The following DGKI variants were observed in gnomAD, a reference collection of about 807,000 sequenced individuals.
The protein encoded by DGKI is diacylglycerol kinase iota.
DGKI carries 55 observed loss-of-function variants against 147.5 expected under a neutral mutation model. That is an observed-to-expected ratio of 0.37 (90% CI 0.30 to 0.47). The LOEUF is 0.47. DGKI is among the 20% of genes least tolerant of loss of function. DGKI has a pLI of 1.00. For missense variants in DGKI, 1,007 were observed against 1,323.8 expected, an observed-to-expected ratio of 0.76 and a Z score of 3.71; for synonymous variants, 469 against 477.1, an observed-to-expected ratio of 0.98 and a Z score of 0.22.
At chr7:137,519,608 T>C (rs778274221) in intron 21 of DGKI, among the ~76,000 whole-genome samples, 52 of 152,038 alleles carry the variant, frequency 3.4e-4, no homozygotes, top group South Asian at 1.0e-3. Flanking sequence ...TGAAATAACA[T>C]TTATTTTGGC....
intron 1 of DGKI, among the ~76,000 whole-genome samples, chr7:137,715,641 A>T (rs1251556692): frequency 6.6e-6 from 1 of 152,248 alleles, no homozygotes; most frequent in African/African-American, 2.4e-5. Flanking sequence ...AGAATAAGCA[A>T]GTATGAGCAC....
intron 3 of DGKI, among the ~76,000 whole-genome samples, chr7:137,675,196 C>T (rs1273396264): frequency 6.6e-6 from 1 of 152,128 alleles, no homozygotes; most frequent in African/African-American, 2.4e-5. Context: ...AGCTGAGAGT[C>T]CCCAACTACA....
Position 137,572,941 on chromosome 7 carries a change from C to A in DGKI, c.1762-103G>T, listed in dbSNP as rs1419151537. On this transcript the variant is annotated intron_variant, in intron 17 of 32. Coordinates refer to ENST00000614521, the MANE Select transcript of DGKI (RefSeq NM_001321708.2). The stretch of plus-strand genomic sequence containing the variant: ...ATAGTACACACCATGGTCTCTTTCT[C>A]CTTGCCCTATCTCTGCTTAAGTGAA... 3.1e-5 allele frequency: 24 copies of A among 766,372 alleles called. No homozygotes were observed. The East Asian group carries it at 5.6e-4, about 18-fold the overall frequency. 47.5% of individuals were successfully genotyped at this position (766,372 alleles called of 1,614,324 possible). A position where few individuals can be genotyped will look rare whatever the true frequency, so the allele number is the denominator to read the frequency against.
rs189450856 is a variant in DGKI at position 137,603,942 on chromosome 7, G to T, written c.1168-4037C>A. 9.2e-4 allele frequency among the ~76,000 whole-genome samples: 140 copies of T among 152,202 alleles called. 3 individuals carry two copies. The highest frequency in any genetic ancestry group is 3.3e-3 in the African/African-American group (137 of 41,546). On this transcript the variant is annotated intron_variant, in intron 10 of 32. Transcript: ENST00000614521. ...TAGGCTTTAATTTATAGAAAACAAGGAGTCACTGAAAAGTCTTCATTAAGA... is the reference window on the plus strand; with the variant it reads ...TAGGCTTTAATTTATAGAAAACAAGTAGTCACTGAAAAGTCTTCATTAAGA...
At chr7:137,508,219 CTTTTT>C (rs1171968411) in intron 21 of DGKI, among the ~76,000 whole-genome samples, 410 of 92,476 alleles carry the variant, frequency 4.4e-3, no homozygotes, top group African/African-American at 0.018. Flanking sequence ...AGACAGGTTT[CTTTTT>C]TTTTTTTTTT....
At chr7:137,600,673 A>G (rs1819958503) in intron 10 of DGKI, among the ~76,000 whole-genome samples, 1 of 152,210 alleles carries the variant, frequency 6.6e-6, no homozygotes, top group African/African-American at 2.4e-5. Context: ...TGTATAATAT[A>G]AAATATGGGC....
At chr7:137,769,553 G>A (rs530568189) in intron 1 of DGKI, among the ~76,000 whole-genome samples, 8 of 151,846 alleles carry the variant, frequency 5.3e-5, no homozygotes, top group Admixed American at 1.3e-4. Context: ...CTATGAATGG[G>A]AGAAAATTTT....
chr7:137,812,441 A>C (rs1797619838), intron 1 of DGKI, among the ~76,000 whole-genome samples: 1 of 152,170 alleles, frequency 6.6e-6, no homozygotes, highest in African/African-American at 2.4e-5. Context: ...CCTCTTAATT[A>C]GTTTTGTTTT....
chr7:137,727,819 G>T (rs1048343476), intron 1 of DGKI, among the ~76,000 whole-genome samples: 3 of 152,056 alleles, frequency 2.0e-5, no homozygotes, highest in African/African-American at 7.2e-5. Context: ...TTTGCTTGTG[G>T]TCCGAATTAA....
At chr7:137,469,199 G>T (rs1214140813) in intron 24 of DGKI, among the ~76,000 whole-genome samples, 1 of 152,152 alleles carries the variant, frequency 6.6e-6, no homozygotes, top group African/African-American at 2.4e-5. Context: ...AAATAACATA[G>T]AAATTATATC....
intron 12 of DGKI, among the ~76,000 whole-genome samples, chr7:137,593,329 G>A (rs1252829912): frequency 1.3e-5 from 2 of 152,204 alleles, no homozygotes; most frequent in African/African-American, 2.4e-5. Context: ...TCAGCAGGGT[G>A]ACAGCCATTA....
intron 28 of DGKI, among the ~76,000 whole-genome samples, chr7:137,436,252 T>A (rs886237267): frequency 6.6e-6 from 1 of 152,204 alleles, no homozygotes; most frequent in African/African-American, 2.4e-5. Context: ...AGTATGGGGC[T>A]ACAAGAAGTG....
At chr7:137,740,069 C>G (rs1042800549) in intron 1 of DGKI, among the ~76,000 whole-genome samples, 3 of 152,176 alleles carry the variant, frequency 2.0e-5, no homozygotes, top group Admixed American at 6.5e-5. Context: ...CACTGTATTT[C>G]ACAACAATTC....
intron 1 of DGKI, among the ~76,000 whole-genome samples, chr7:137,780,917 G>A (rs984444022): frequency 1.3e-5 from 2 of 152,198 alleles, no homozygotes; most frequent in African/African-American, 2.4e-5. Flanking sequence ...GGGGCTTGCC[G>A]CTTCACCTCA....
At chr7:137,784,740 G>A (rs1051322230) in intron 1 of DGKI, among the ~76,000 whole-genome samples, 1 of 151,848 alleles carries the variant, frequency 6.6e-6, no homozygotes, top group Admixed American at 6.6e-5. Flanking sequence ...ACAAGTCTCA[G>A]TAAATTTAAG....
intron 17 of DGKI, 149 bp downstream of exon 17, chr7:137,577,073 A>T: frequency 1.5e-6 from 1 of 669,146 alleles, no homozygotes; most frequent in Non-Finnish European, 2.7e-6. Context: ...TGCCTGACAC[A>T]TAATAAGTGT....
At chr7:137,596,031 A>AAAG (rs1819785463) in intron 12 of DGKI, among the ~76,000 whole-genome samples, 2 of 143,860 alleles carry the variant, frequency 1.4e-5, no homozygotes, top group Non-Finnish European at 1.5e-5. Context: ...AAAAAAAAAA[A>AAAG]AAGAAAGAAA....
chr7:137,668,133 G>A (rs56755769), intron 3 of DGKI, among the ~76,000 whole-genome samples: 6,472 of 152,166 alleles, frequency 0.043, 394 homozygotes, highest in African/African-American at 0.14. Context: ...GGTAACCTGG[G>A]GGACCAAGAC....
intron 10 of DGKI, among the ~76,000 whole-genome samples, chr7:137,608,538 T>A (rs147390597): frequency 2.0e-5 from 3 of 152,214 alleles, no homozygotes; most frequent in Admixed American, 6.5e-5. Context: ...GGCTCATGAA[T>A]CATCCTTTTT....
Sources: gnomAD v4.1 joint callset for allele counts (sites outside exome capture counted in the v4.1 genomes callset) on GRCh38, gnomAD v4.1.1 for gene constraint, MANE v1.5 for transcripts, NCBI Gene and HGNC (gene_info 2026-07-23, HGNC 2026-07-21) for gene names.